The following EYS variants were observed in gnomAD, a reference collection of about 807,000 sequenced individuals.
EYS encodes the protein EGF-like photoreceptor maintenance factor.
Under a neutral mutation model 282.1 loss-of-function variants are expected in EYS, and 250 were observed. That is an observed-to-expected ratio of 0.89 (90% CI 0.80 to 0.98). The LOEUF (loss-of-function observed/expected upper bound fraction) is 0.98. Among genes scored for constraint, EYS ranks in the 50% least tolerant of loss-of-function variants. The pLI is 0.00. For synonymous variants in EYS, 1,355 were observed against 1,282.9 expected (o/e 1.06, Z -1.20); for missense variants, 4,016 against 3,709.0 (o/e 1.08, Z -2.15).
At chr6:64,342,634 A>C (rs1391173582) in intron 29 of EYS, among the ~76,000 whole-genome samples, 1 of 152,104 alleles carries the variant, frequency 6.6e-6, no homozygotes, top group Non-Finnish European at 1.5e-5. Context: ...AAGACCATAA[A>C]GGCTAGGAAG....
At chr6:64,793,664 C>T (rs1030715313) in intron 22 of EYS, among the ~76,000 whole-genome samples, 1 of 152,028 alleles carries the variant, frequency 6.6e-6, no homozygotes, top group Non-Finnish European at 1.5e-5. Flanking sequence ...AATAAATATT[C>T]CAGTGAATAT....
chr6:65,567,328 A>C (rs1764306229), intron 2 of EYS, among the ~76,000 whole-genome samples: 1 of 150,432 alleles, frequency 6.6e-6, no homozygotes, highest in Non-Finnish European at 1.5e-5. Flanking sequence ...CTGTTCTAAC[A>C]GATACATTTT....
chr6:65,075,741 T>C (rs1178149796), intron 12 of EYS, among the ~76,000 whole-genome samples: 2 of 151,828 alleles, frequency 1.3e-5, no homozygotes, highest in African/African-American at 2.4e-5. Context: ...CACAGCCTAA[T>C]ATTTCTAAGG....
At chr6:64,422,366 C>T (rs1338298957) in intron 28 of EYS, among the ~76,000 whole-genome samples, 1 of 152,094 alleles carries the variant, frequency 6.6e-6, no homozygotes, top group Non-Finnish European at 1.5e-5. Flanking sequence ...GGGCCTATCC[C>T]TCTTGGAATA....
chr6:64,723,955 C>G (rs1359499603), intron 22 of EYS, among the ~76,000 whole-genome samples: 1 of 152,190 alleles, frequency 6.6e-6, no homozygotes, highest in African/African-American at 2.4e-5. Flanking sequence ...TGACACTCTC[C>G]TTAACCATAA....
At chr6:65,627,821 T>A (rs1766768727) in intron 2 of EYS, among the ~76,000 whole-genome samples, 1 of 152,118 alleles carries the variant, frequency 6.6e-6, no homozygotes, top group Admixed American at 6.5e-5. Flanking sequence ...TGCCTGAGCC[T>A]CCCACCCACT....
chr6:64,650,422 G>A (rs1422583337), intron 22 of EYS, among the ~76,000 whole-genome samples: 1 of 151,898 alleles, frequency 6.6e-6, no homozygotes, highest in Non-Finnish European at 1.5e-5. Context: ...TAGCCAGTGT[G>A]ACTAAAAACA....
intron 2 of EYS, among the ~76,000 whole-genome samples, chr6:65,563,997 A>G (rs867503199): frequency 6.6e-6 from 1 of 152,202 alleles, no homozygotes. Flanking sequence ...AGAGAGCCAA[A>G]TCATGAGTGA....
chr6:65,258,338 A>C (rs1399457775), intron 12 of EYS, among the ~76,000 whole-genome samples: 1 of 152,042 alleles, frequency 6.6e-6, no homozygotes, highest in Non-Finnish European at 1.5e-5. Flanking sequence ...AAGTAATTTG[A>C]TCCAAAATTT....
chr6:64,762,963 A>C (rs1372684199), intron 22 of EYS, among the ~76,000 whole-genome samples: 2 of 152,178 alleles, frequency 1.3e-5, no homozygotes, highest in Non-Finnish European at 2.9e-5. Flanking sequence ...TTCCCTGTGC[A>C]AGTATATTAA....
intron 14 of EYS, among the ~76,000 whole-genome samples, chr6:64,980,453 T>A (rs966567814): frequency 6.6e-6 from 1 of 151,472 alleles, no homozygotes. Flanking sequence ...TATGTCTTTA[T>A]ATGCTGTATA....
In EYS at chr6:63,721,553, T is replaced by TA. The variant is rs1195683882; in HGVS notation, c.8477dup (p.Ser2827IlefsTer14). The stretch of plus-strand genomic sequence containing the variant: ...TGGGATTTACAAGATTTAAAGAAGA[T>TA]ACTCCTCCAATATAGAAGTCTGTAT... On this transcript the variant is annotated frameshift_variant, in exon 43 of 43. Coordinates refer to ENST00000503581, the MANE Select transcript of EYS (RefSeq NM_001142800.2). LOFTEE classifies it low-confidence loss of function (END_TRUNC). 6.4e-7 allele frequency: 1 copy of TA among 1,551,694 alleles called. No homozygotes were observed. The highest frequency in any genetic ancestry group is 8.7e-7 in the Non-Finnish European group (1 of 1,146,886).
At chr6:64,891,463 C>T (rs11961494) in intron 18 of EYS, among the ~76,000 whole-genome samples, 9,629 of 152,056 alleles carry the variant, frequency 0.063, 408 homozygotes, top group African/African-American at 0.12. Flanking sequence ...GCACTTGGGA[C>T]GTTTTTACTT....
chr6:64,670,395 G>A (rs905301809), intron 22 of EYS, among the ~76,000 whole-genome samples: 2 of 140,824 alleles, frequency 1.4e-5, no homozygotes, highest in African/African-American at 5.5e-5. Flanking sequence ...ACAATATGAA[G>A]TGGCCCAAAA....
At chr6:64,520,715 C>G (rs1258908322) in intron 26 of EYS, among the ~76,000 whole-genome samples, 2 of 151,734 alleles carry the variant, frequency 1.3e-5, no homozygotes, top group Admixed American at 6.6e-5. Flanking sequence ...AAATTTTTTT[C>G]CCTGAAATTT....
At chr6:65,137,309 C>T (rs148776031) in intron 12 of EYS, among the ~76,000 whole-genome samples, 40 of 152,116 alleles carry the variant, frequency 2.6e-4, no homozygotes, top group South Asian at 4.2e-4. Context: ...AGAAGCAGTG[C>T]GGAAAGACCA....
intron 14 of EYS, among the ~76,000 whole-genome samples, chr6:64,968,165 A>T (rs2150109675): frequency 6.6e-6 from 1 of 152,310 alleles, no homozygotes; most frequent in Non-Finnish European, 1.5e-5. Context: ...ACAGGAAATT[A>T]ACTTCGATTT....
At chr6:64,919,411 C>CTT (rs1562258967) in intron 15 of EYS, among the ~76,000 whole-genome samples, 1 of 86,500 alleles carries the variant, frequency 1.2e-5, no homozygotes, top group Non-Finnish European at 2.4e-5. Flanking sequence ...TTATGTTTTT[C>CTT]TTTTTTTCTT....
At chr6:65,528,607 C>G (rs1767653009) in intron 2 of EYS, among the ~76,000 whole-genome samples, 4 of 152,282 alleles carry the variant, frequency 2.6e-5, no homozygotes, top group Admixed American at 2.6e-4. Flanking sequence ...CAAGAAGGCC[C>G]TTGACAAATT....
Sources: gnomAD v4.1 joint callset for allele counts (sites outside exome capture counted in the v4.1 genomes callset) on GRCh38, gnomAD v4.1.1 for gene constraint, MANE v1.5 for transcripts, NCBI Gene and HGNC (gene_info 2026-07-23, HGNC 2026-07-21) for gene names.